The following SESN3 variants were observed in gnomAD, a reference collection of about 807,000 sequenced individuals.
SESN3 encodes the protein sestrin-3.
Under a neutral mutation model 55.3 loss-of-function variants are expected in SESN3, and 21 were observed. The observed-to-expected ratio is 0.38, with a 90% confidence interval of 0.27 to 0.55. The LOEUF (loss-of-function observed/expected upper bound fraction) is 0.55. Among genes scored for constraint, SESN3 ranks in the 20% least tolerant of loss-of-function variants. The pLI, the probability that SESN3 is intolerant of heterozygous loss-of-function variation, is 0.76. For synonymous variants in SESN3, 181 were observed against 203.1 expected, an observed-to-expected ratio of 0.89 and a Z score of 0.93; for missense variants, 408 against 604.3, an observed-to-expected ratio of 0.68 and a Z score of 3.41.
chr11:95,167,729 A>G lies in SESN3; in HGVS notation c.*5526T>C, dbSNP rs1859777172. ...ATACTACAAGAAATAATAATAATCT[A>G]TACTTTCAAATGGGATGGTTCATCA... On this transcript the variant is annotated 3_prime_UTR_variant, in exon 10 of 10. Coordinates refer to ENST00000536441, the MANE Select transcript of SESN3 (RefSeq NM_144665.4). 6.6e-6 allele frequency: 1 copy of G among 152,174 alleles called. No homozygotes were observed. Among genetic ancestry groups the G allele is most frequent in the Non-Finnish European group, 1.5e-5 (1 of 68,020 alleles). The allele number at this position is 152,174 out of a possible 1,614,324, so 9.4% of individuals were successfully genotyped here. A position where few individuals can be genotyped will look rare whatever the true frequency, so the allele number is the denominator to read the frequency against.
rs778453535 is a variant in SESN3, at chr11:95,185,419, T to A, written c.599A>T (p.Tyr200Phe). ...LVHAVVLLAH[Y>F]HALASFVFGS... ...AAAAACAAAGCTTGCCAAAGCATGA[T>A]AATGTGCCAGGAGGACCACAGCATG... is the stretch of plus-strand genomic sequence containing the variant. Residue 200 changes from tyrosine (Y) to phenylalanine (F), a missense_variant, in exon 5 of 10, where the codon TAT becomes TTT. Tyr to Phe is a conservative substitution (Grantham distance 22, BLOSUM62 3). Transcript: ENST00000536441. The A allele has an allele frequency of 3.7e-6, 6 of 1,613,334 alleles. No homozygotes were observed. The South Asian group carries it at 6.6e-5, about 18-fold the overall frequency.
At chr11:95,200,986 A>C (rs1744260990) in intron 1 of SESN3, 1 of 152,032 alleles carries the variant, frequency 6.6e-6, no homozygotes, top group Non-Finnish European at 1.5e-5. Context: ...GACTACTTCA[A>C]CCTTAGAATG....
At chr11:95,215,161 AC>A (rs1860728728) in intron 1 of SESN3, among the ~76,000 whole-genome samples, 1 of 151,328 alleles carries the variant, frequency 6.6e-6, no homozygotes, top group Non-Finnish European at 1.5e-5. Context: ...GACTGGTGGT[AC>A]TAAATTCTTA....
intron 1 of SESN3, among the ~76,000 whole-genome samples, chr11:95,222,560 C>A (rs1860877053): frequency 6.6e-6 from 1 of 151,964 alleles, no homozygotes; most frequent in Admixed American, 6.5e-5. Context: ...GTCTTTAAAT[C>A]AAAATCCTAT....
At chr11:95,197,509 A>G (rs1860384408) in intron 1 of SESN3, among the ~76,000 whole-genome samples, 1 of 150,956 alleles carries the variant, frequency 6.6e-6, no homozygotes, top group African/African-American at 2.4e-5. Context: ...CAATGGCACA[A>G]TCTCAGCTCA....
At chr11:95,214,140 T>C (rs1167904597) in intron 1 of SESN3, among the ~76,000 whole-genome samples, 4 of 152,174 alleles carry the variant, frequency 2.6e-5, no homozygotes, top group Admixed American at 2.0e-4. Context: ...ATATTAGCCC[T>C]TTCCTCACAG....
chr11:95,225,604 T>C (rs948070228), intron 1 of SESN3, among the ~76,000 whole-genome samples: 1 of 152,176 alleles, frequency 6.6e-6, no homozygotes, highest in African/African-American at 2.4e-5. Context: ...TTGTTATTAG[T>C]TGTATGACTG....
intron 1 of SESN3, among the ~76,000 whole-genome samples, chr11:95,216,097 C>CAAA (rs1216457587): frequency 3.9e-5 from 2 of 51,402 alleles, no homozygotes; most frequent in African/African-American, 1.4e-4. Context: ...GACTCCATCT[C>CAAA]AAAAAAAAAA....
Position 95,230,680 on chromosome 11 carries a change from G to A in SESN3, c.78+103C>T. On this transcript the variant is annotated intron_variant, in intron 1 of 9. Transcript: ENST00000536441. The surrounding 1 kb of genome is among the most constrained non-coding windows in gnomAD (Gnocchi z 4.6). ...TCCCTGCGGAGGGACGGTGCCCGGG[G>A]ATCCCTCTCAGCCTCCCCCAGTGCG... 3 of 781,648 alleles carry A rather than the reference G, an allele frequency of 3.8e-6. No homozygotes were observed. Among genetic ancestry groups the A allele is most frequent in the Non-Finnish European group, 6.3e-6 (3 of 479,098 alleles). The allele number at this position is 781,648 out of a possible 1,614,324, so 48.4% of individuals were successfully genotyped here. A position where few individuals can be genotyped will look rare whatever the true frequency, so the allele number is the denominator to read the frequency against.
chr11:95,177,898 C>T lies in SESN3; in HGVS notation c.1068G>A (p.Trp356Ter). The part of the protein sequence containing the change: ...LPTFRAQDYT[W>*]ENHGFSLVNR... The stretch of plus-strand genomic sequence containing the variant: ...TCACCAGGGAGAACCCATGATTTTC[C>T]CAGGTATAGTCCTAAAAGAATAAAA... The change falls in exon 8 of 10, where the codon TGG becomes TGA. Residue 356 changes from tryptophan to a stop codon, truncating the protein, a stop_gained. Coordinates refer to ENST00000536441, the MANE Select transcript of SESN3 (RefSeq NM_144665.4). LOFTEE classifies it high-confidence loss of function. The T allele has an allele frequency of 6.3e-7, 1 of 1,585,228 alleles. No homozygotes were observed. The highest frequency in any genetic ancestry group is 1.9e-5 in the Admixed American group (1 of 53,872).
rs895782358 is a variant in SESN3, at chr11:95,172,971, G to T, written c.*284C>A. ...AGGCGCTGAAGTTAAGCATTAATAC[G>T]CCAGATTCATGATTTATGATCAGTA... On this transcript the variant is annotated 3_prime_UTR_variant, in exon 10 of 10. Transcript: ENST00000536441. The T allele has an allele frequency of 5.2e-5, 16 of 308,192 alleles. No homozygotes were observed. Among genetic ancestry groups the T allele is most frequent in the African/African-American group, 2.8e-4 (13 of 46,948 alleles). The allele number at this position is 308,192 out of a possible 1,614,324, so 19.1% of individuals were successfully genotyped here.
intron 6 of SESN3, chr11:95,182,101 G>T: frequency 3.4e-6 from 1 of 297,564 alleles, no homozygotes; most frequent in Non-Finnish European, 6.6e-6. Flanking sequence ...ACTTTTGAAG[G>T]CTGTAGTCCC....
chr11:95,209,164 C>G (rs11828301), intron 1 of SESN3, among the ~76,000 whole-genome samples: 1 of 151,426 alleles, frequency 6.6e-6, no homozygotes, highest in South Asian at 2.1e-4. Flanking sequence ...TTTTTGCAAT[C>G]TATCCATCTG....
At chr11:95,175,748 G>T in intron 8 of SESN3, 106 bp from the exon 9 acceptor site, 2 of 904,204 alleles carry the variant, frequency 2.2e-6, no homozygotes, top group African/African-American at 1.7e-5. Context: ...CTAAAAGCTC[G>T]TTAATTAATT....
In SESN3 at chr11:95,230,754, GC is replaced by G. The variant is rs1419606895; in HGVS notation, c.78+28del. ...CCCCGGCCGGCAGGAAGCGACCCTC[GC>G]CGGCAGGACCCCGGGCCGAACCCGT... On this transcript the variant is annotated intron_variant, in intron 1 of 9. Coordinates refer to ENST00000536441, the MANE Select transcript of SESN3 (RefSeq NM_144665.4). The surrounding 1 kb of genome is among the most constrained non-coding windows in gnomAD (Gnocchi z 4.6). The G allele has an allele frequency of 6.3e-7, 1 of 1,582,584 alleles. No individual in the cohort carries two copies. Among genetic ancestry groups the G allele is most frequent in the Non-Finnish European group, 8.6e-7 (1 of 1,159,360 alleles).
At chr11:95,194,018 GAGA>G (rs1484686858) in intron 1 of SESN3, among the ~76,000 whole-genome samples, 13 of 152,010 alleles carry the variant, frequency 8.6e-5, no homozygotes, top group Non-Finnish European at 1.0e-4. Flanking sequence ...GTAAAAATTA[GAGA>G]AGGAGAGGTT....
intron 1 of SESN3, among the ~76,000 whole-genome samples, chr11:95,216,110 G>GA (rs71036381): frequency 0.31 from 37,305 of 122,088 alleles, 4,889 homozygotes; most frequent in East Asian, 0.38. Context: ...AAAAAAAAAA[G>GA]AAAAAAAAAA....
rs1859984567 is a variant in SESN3 at position 95,177,755 on chromosome 11, G to C, written c.1211C>G (p.Ala404Gly). Reference protein sequence around the residue: ...EDVDTTMLRRALFNYVHCMFG... With the variant: ...EDVDTTMLRRGLFNYVHCMFG... Reference sequence around the variant, plus strand: ...CATACAGTGAACATAGTTAAATAAAGCTCTGCGCAGCATGGTTGTGTCAAC... The same window carrying C: ...CATACAGTGAACATAGTTAAATAAACCTCTGCGCAGCATGGTTGTGTCAAC... Residue 404 changes from alanine (A) to glycine (G), a missense_variant, in exon 8 of 10, where the codon GCT becomes GGT. Ala to Gly is a moderately conservative substitution (Grantham distance 60). Coordinates refer to ENST00000536441, the MANE Select transcript of SESN3 (RefSeq NM_144665.4). 6.2e-7 allele frequency: 1 copy of C among 1,612,076 alleles called. No individual in the cohort carries two copies. The highest frequency in any genetic ancestry group is 1.1e-5 in the South Asian group (1 of 90,792).
intron 8 of SESN3, 68 bp downstream of exon 8, chr11:95,177,651 A>G: frequency 8.3e-7 from 1 of 1,200,420 alleles, no homozygotes; most frequent in Non-Finnish European, 1.2e-6. Context: ...CCCAAACAGG[A>G]CAAAAATAAG....
Sources: allele counts gnomAD v4.1 joint callset (sites outside exome capture counted in the v4.1 genomes callset), GRCh38; gene constraint gnomAD v4.1.1; non-coding constraint Gnocchi (gnomAD v3.1); transcripts MANE v1.5; gene names NCBI Gene and HGNC (gene_info 2026-07-23, HGNC 2026-07-21).